SEMA3C: variants seen among roughly 807,000 people sequenced by gnomAD.
The protein encoded by SEMA3C is semaphorin-3C.
A neutral mutation model predicts 89.4 loss-of-function variants in SEMA3C; 47 were observed. The ratio of observed to expected loss-of-function variants is 0.53; its 90% confidence interval spans 0.42 to 0.67. SEMA3C has a LOEUF of 0.67. SEMA3C is among the 30% of genes least tolerant of loss of function. The probability of loss-of-function intolerance (pLI) is 0.00; values close to 1 mark genes in which losing one functional copy is unlikely to be tolerated. For missense variants in SEMA3C, 839 were observed against 929.1 expected, an observed-to-expected ratio of 0.90 and a Z score of 1.26; for synonymous variants, 310 against 320.2, an observed-to-expected ratio of 0.97 and a Z score of 0.34.
intron 12 of SEMA3C, among the ~76,000 whole-genome samples, chr7:80,788,468 T>C (rs192971260): frequency 2.0e-5 from 3 of 152,288 alleles, no homozygotes; most frequent in Admixed American, 1.3e-4. Context: ...ATGAGTGGGT[T>C]TCATCCCTAG....
upstream of SEMA3C, among the ~76,000 whole-genome samples, chr7:80,921,412 T>C (rs193253150): frequency 1.7e-3 from 255 of 152,060 alleles, 3 homozygotes; most frequent in Non-Finnish European, 5.4e-4. Flanking sequence ...GGCCACAGAG[T>C]GGAATTTTAA....
chr7:80,852,456 C>G (rs1041619105), intron 2 of SEMA3C, among the ~76,000 whole-genome samples: 2 of 152,012 alleles, frequency 1.3e-5, no homozygotes, highest in Non-Finnish European at 2.9e-5. Context: ...GAGTAGTACC[C>G]CATGAGCACT....
chr7:80,876,188 T>A lies in SEMA3C; in HGVS notation c.103+40491A>T, dbSNP rs140784517. 3.4e-3 allele frequency among the ~76,000 whole-genome samples: 520 copies of A among 152,262 alleles called. 2 individuals carry two copies. The highest frequency in any genetic ancestry group is 0.012 in the African/African-American group (495 of 41,530). On this transcript the variant is annotated intron_variant, in intron 2 of 17. Coordinates refer to ENST00000265361, the MANE Select transcript of SEMA3C (RefSeq NM_006379.5). ...ACTACTGTATTAATAATTCCTCTAA[T>A]CTATTTTTAGTAACTTTAGAATTTT...
chr7:80,872,771 A>T (rs1322796443), intron 2 of SEMA3C, among the ~76,000 whole-genome samples: 1 of 144,356 alleles, frequency 6.9e-6, no homozygotes, highest in Non-Finnish European at 1.5e-5. Context: ...ACTGCACTCC[A>T]GCCTGGCAAC....
chr7:80,916,790 A>C lies in SEMA3C; in HGVS notation c.-9T>G. 7 of 1,613,224 alleles carry C rather than the reference A, an allele frequency of 4.3e-6. No individual in the cohort carries two copies. The highest frequency in any genetic ancestry group is 5.9e-6 in the Non-Finnish European group (7 of 1,179,510). ...ATTGTCCGGAATGCCATTTCTTCAG[A>C]TATGCAAGTTAATATCCAAGGGAAA... On this transcript the variant is annotated 5_prime_UTR_variant, in exon 2 of 18. Coordinates refer to ENST00000265361, the MANE Select transcript of SEMA3C (RefSeq NM_006379.5).
chr7:80,815,014 T>C (rs1583904156), intron 5 of SEMA3C, among the ~76,000 whole-genome samples: 1 of 152,190 alleles, frequency 6.6e-6, no homozygotes, highest in African/African-American at 2.4e-5. Context: ...CTGCTGAAGA[T>C]TGTTCCAATT....
intron 2 of SEMA3C, among the ~76,000 whole-genome samples, chr7:80,877,391 G>A (rs532674696): frequency 1.3e-5 from 2 of 151,830 alleles, no homozygotes; most frequent in South Asian, 2.1e-4. Flanking sequence ...GCTTTGCCTC[G>A]TTCTCCTTTA....
At chr7:80,761,750 A>C in intron 13 of SEMA3C, 93 bp from the exon 14 acceptor site, 2 of 700,290 alleles carry the variant, frequency 2.9e-6, no homozygotes, top group Non-Finnish European at 4.7e-6. Flanking sequence ...TCAAGAAGAA[A>C]TCACTTTTCT....
intron 2 of SEMA3C, among the ~76,000 whole-genome samples, chr7:80,863,084 G>A (rs1790810302): frequency 6.6e-6 from 1 of 152,090 alleles, no homozygotes; most frequent in South Asian, 2.1e-4. Flanking sequence ...AAGATAAATA[G>A]TTGGGACTTA....
intron 3 of SEMA3C, among the ~76,000 whole-genome samples, chr7:80,827,718 T>C (rs1789909347): frequency 6.6e-6 from 1 of 152,184 alleles, no homozygotes; most frequent in South Asian, 2.1e-4. Context: ...CAATAACATA[T>C]GTTCATTTAC....
chr7:80,803,017 G>A (rs1339285675), intron 8 of SEMA3C, among the ~76,000 whole-genome samples: 3 of 152,086 alleles, frequency 2.0e-5, no homozygotes, highest in African/African-American at 7.2e-5. Context: ...TTTGATAAAT[G>A]TGTGACATAA....
At chr7:80,754,542 A>G (rs1788012172) in intron 15 of SEMA3C, among the ~76,000 whole-genome samples, 1 of 152,196 alleles carries the variant, frequency 6.6e-6, no homozygotes, top group South Asian at 2.1e-4. Context: ...GGAATTTACA[A>G]AATAGTTAAT....
At chr7:80,833,288 C>T (rs1790051187) in intron 2 of SEMA3C, among the ~76,000 whole-genome samples, 1 of 151,888 alleles carries the variant, frequency 6.6e-6, no homozygotes, top group East Asian at 1.9e-4. Context: ...CAAAAATTAG[C>T]TGGGCATGGT....
chr7:80,750,077 C>T (rs539368351), intron 16 of SEMA3C, among the ~76,000 whole-genome samples: 2 of 151,932 alleles, frequency 1.3e-5, no homozygotes, highest in Non-Finnish European at 2.9e-5. Flanking sequence ...AAAAAGAATG[C>T]CATTTTTTAC....
chr7:80,831,379 A>G (rs927957317), intron 2 of SEMA3C, among the ~76,000 whole-genome samples: 3 of 152,196 alleles, frequency 2.0e-5, no homozygotes, highest in African/African-American at 4.8e-5. Flanking sequence ...TAATATACAT[A>G]AAGTTTTTAA....
intron 15 of SEMA3C, among the ~76,000 whole-genome samples, chr7:80,753,194 T>C (rs900230344): frequency 6.6e-6 from 1 of 152,186 alleles, no homozygotes; most frequent in Admixed American, 6.5e-5. Flanking sequence ...ACGAAAACAG[T>C]GAAAGTGTTA....
At position 80,919,011 on chromosome 7, in the gene SEMA3C, C is replaced by G. The variant is rs1459287045; in HGVS notation, c.-222G>C. ...CTCAGCGCTGCAGTGCCGCGGCACC[C>G]GGAGCTCTTCTCCGCGTCGCTCAAT... On this transcript the variant is annotated 5_prime_UTR_variant, in exon 1 of 18. Transcript: ENST00000265361. 4 of 985,232 alleles carry G rather than the reference C, an allele frequency of 4.1e-6. No homozygotes were observed. Among genetic ancestry groups the G allele is most frequent in the East Asian group, 1.1e-4 (1 of 8,792 alleles). The allele number at this position is 985,232 out of a possible 1,614,324, so 61.0% of individuals were successfully genotyped here.
chr7:80,829,800 TAACTTTA>T (rs1789968273), intron 2 of SEMA3C, among the ~76,000 whole-genome samples: 1 of 152,138 alleles, frequency 6.6e-6, no homozygotes, highest in Non-Finnish European at 1.5e-5. Flanking sequence ...TCAAGGAGCA[TAACTTTA>T]GACTTTTCTA....
At position 80,744,307 on chromosome 7, in the gene SEMA3C, T is replaced by C. The variant is rs1388707709; in HGVS notation, c.*587A>G. The C allele has an allele frequency of 1.3e-5, 2 of 152,664 alleles. No homozygotes were observed. Among genetic ancestry groups the C allele is most frequent in the African/African-American group, 4.8e-5 (2 of 41,452 alleles). 9.5% of individuals were successfully genotyped at this position (152,664 alleles called of 1,614,324 possible). The stretch of plus-strand genomic sequence containing the variant: ...GTCAGTGACAGATACCAGTAACTGA[T>C]TATTTTTACAATCTTAAAAAAACCC... On this transcript the variant is annotated 3_prime_UTR_variant, in exon 18 of 18. Transcript: ENST00000265361.
Sources: gnomAD v4.1 joint callset for allele counts (sites outside exome capture counted in the v4.1 genomes callset) on GRCh38, gnomAD v4.1.1 for gene constraint, MANE v1.5 for transcripts, NCBI Gene and HGNC (gene_info 2026-07-23, HGNC 2026-07-21) for gene names.